PTPRQ: variants seen among roughly 807,000 people sequenced by gnomAD.
The protein encoded by PTPRQ is phosphatidylinositol phosphatase PTPRQ.
PTPRQ carries 199 observed loss-of-function variants against 246.0 expected under a neutral mutation model. The ratio of observed to expected loss-of-function variants is 0.81; its 90% CI spans 0.72 to 0.91. PTPRQ has a LOEUF of 0.91. Among genes scored for constraint, PTPRQ ranks in the 40% least tolerant of loss-of-function variants. The pLI, the probability that PTPRQ is intolerant of heterozygous loss-of-function variation, is 0.00. For synonymous variants in PTPRQ, 869 were observed against 853.2 expected, an observed-to-expected ratio of 1.02 and a Z score of -0.32; for missense variants, 2,624 against 2,528.4, an observed-to-expected ratio of 1.04 and a Z score of -0.81.
intron 25 of PTPRQ, among the ~76,000 whole-genome samples, chr12:80,565,992 G>C (rs549987067): frequency 1.3e-5 from 2 of 152,186 alleles, no homozygotes; most frequent in African/African-American, 4.8e-5. Flanking sequence ...ATATTAATAA[G>C]TTATCATTGC....
chr12:80,467,330 T>A (rs1893461616), intron 6 of PTPRQ, among the ~76,000 whole-genome samples: 1 of 152,208 alleles, frequency 6.6e-6, no homozygotes, highest in Non-Finnish European at 1.5e-5. Context: ...CCAGTTAGAA[T>A]GGCAATCATT....
rs1200377056 is a variant in PTPRQ at position 80,468,820 on chromosome 12, G to T, written c.1021G>T (p.Glu341Ter). Reference protein sequence around the residue: ...IVTGKFSYRVELYGPSGRILD... With the variant: ...IVTGKFSYRV ...AACAGGGAAATTTAGTTATAGAGTTGAATTATATGGACCATCAGGTAAGCC... is the reference window on the plus strand; with the variant it reads ...AACAGGGAAATTTAGTTATAGAGTTTAATTATATGGACCATCAGGTAAGCC... Residue 341 changes from glutamate to a stop codon, truncating the protein, a stop_gained, in exon 7 of 45, where the codon GAA (glutamate) becomes TAA (stop). Coordinates refer to ENST00000644991, the MANE Select transcript of PTPRQ (RefSeq NM_001145026.2). LOFTEE classifies it high-confidence loss of function. The T allele has an allele frequency of 2.6e-6, 4 of 1,548,838 alleles. No homozygotes were observed. Among genetic ancestry groups the T allele is most frequent in the Non-Finnish European group, 3.5e-6 (4 of 1,145,816 alleles).
chr12:80,579,838 A>C (rs939838535), intron 25 of PTPRQ, among the ~76,000 whole-genome samples: 1 of 152,188 alleles, frequency 6.6e-6, no homozygotes, highest in East Asian at 1.9e-4. Context: ...TCTAGAGACA[A>C]AAATATTCTT....
At chr12:80,584,982 AATAT>A (rs36023309) in intron 25 of PTPRQ, among the ~76,000 whole-genome samples, 1 of 148,912 alleles carries the variant, frequency 6.7e-6, no homozygotes, top group East Asian at 2.0e-4. Context: ...AGTTTTGGTA[AATAT>A]ATATATATAT....
chr12:80,516,977 G>A (rs1204529625), intron 17 of PTPRQ, among the ~76,000 whole-genome samples: 1 of 152,112 alleles, frequency 6.6e-6, no homozygotes, highest in Non-Finnish European at 1.5e-5. Context: ...GATAGATGGA[G>A]CGGTAGAGCA....
chr12:80,536,480 C>G (rs927783073), intron 19 of PTPRQ, among the ~76,000 whole-genome samples: 5 of 152,100 alleles, frequency 3.3e-5, no homozygotes, highest in South Asian at 2.1e-4. Flanking sequence ...ATATTCTGTT[C>G]TATAAGAGTA....
At chr12:80,469,464 GA>G (rs1354959106) in intron 7 of PTPRQ, among the ~76,000 whole-genome samples, 6 of 152,072 alleles carry the variant, frequency 3.9e-5, no homozygotes, top group African/African-American at 1.4e-4. Context: ...CATTAGAAGT[GA>G]ATTATGTAAA....
At chr12:80,637,919 C>T (rs146608807) in intron 35 of PTPRQ, among the ~76,000 whole-genome samples, 1 of 152,140 alleles carries the variant, frequency 6.6e-6, no homozygotes, top group African/African-American at 2.4e-5. Flanking sequence ...GGCAGACTTC[C>T]ACCATATGTC....
At position 80,539,941 on chromosome 12, in the gene PTPRQ, G is replaced by A. The variant is rs1005598178; in HGVS notation, c.3151G>A (p.Asp1051Asn). 5 of 1,501,588 alleles carry A rather than the reference G, an allele frequency of 3.3e-6. No individual in the cohort carries two copies. The highest frequency in any genetic ancestry group is 1.8e-4 in the Middle Eastern group (1 of 5,514). 93.0% of individuals were successfully genotyped at this position (1,501,588 alleles called of 1,614,324 possible). A position where few individuals can be genotyped will look rare whatever the true frequency, so the allele number is the denominator to read the frequency against. ...CATCATTGAAGTATACACAGATCAA[G>A]ACAGTATGTAAACAAAAAACACTAA... ...SDIIEVYTDQ[D>N]IPEGFVGNLT... Residue 1051 changes from aspartate (D) to asparagine (N), a missense_variant, in exon 20 of 45, where the codon GAC (aspartate) becomes AAC (asparagine). Coordinates refer to ENST00000644991, the MANE Select transcript of PTPRQ (RefSeq NM_001145026.2).
chr12:80,508,663 G>A (rs370759314), intron 16 of PTPRQ, among the ~76,000 whole-genome samples: 1 of 152,172 alleles, frequency 6.6e-6, no homozygotes, highest in African/African-American at 2.4e-5. Flanking sequence ...AATTTTGTTA[G>A]ATTGTATTTT....
rs1898932024 is a variant in PTPRQ, at chr12:80,620,321, C to T, written c.5557C>T (p.Pro1853Ser). 6.5e-7 allele frequency: 1 copy of T among 1,549,334 alleles called. No individual in the cohort carries two copies. Among genetic ancestry groups the T allele is most frequent in the Non-Finnish European group, 8.7e-7 (1 of 1,145,502 alleles). Residue 1853 changes from proline to serine, a missense_variant, in exon 32 of 45, where the codon CCT becomes TCT. By Grantham distance (74) the Pro-to-Ser change is moderately conservative (BLOSUM62 -1). Transcript: ENST00000644991. ...IIGADNACMI[P>S]GNEDKICNGP... ...AGGTGCTGATAATGCATGCATGATT[C>T]CTGGCAATGAAGACAAAATTTGCAA...
chr12:80,555,889 C>T (rs901240774), intron 25 of PTPRQ, among the ~76,000 whole-genome samples: 1 of 152,124 alleles, frequency 6.6e-6, no homozygotes, highest in African/African-American at 2.4e-5. Flanking sequence ...GTGTGGGGTT[C>T]AAGACCCAAG....
At chr12:80,468,884 T>C in intron 7 of PTPRQ, 46 bp downstream of exon 7, 3 of 1,527,902 alleles carry the variant, frequency 2.0e-6, no homozygotes, top group Non-Finnish European at 2.6e-6. Context: ...GTGAGAATAA[T>C]AAAATATGTT....
intron 25 of PTPRQ, among the ~76,000 whole-genome samples, chr12:80,551,403 A>T (rs1592643848): frequency 6.6e-6 from 1 of 152,034 alleles, no homozygotes; most frequent in Admixed American, 6.6e-5. Context: ...TATTAGAGGG[A>T]CCTTGTTGCT....
rs61951994 is a variant in PTPRQ at position 80,541,240 on chromosome 12, C to T, written c.3155-315C>T. ...AAATTATCAAAATATTTAAATAAGG[C>T]AGTATACATACACATATTATGCACA... On this transcript the variant is annotated intron_variant, in intron 20 of 44. Transcript: ENST00000644991. Among the ~76,000 whole-genome samples the T allele has an allele frequency of 0.054, 8,254 of 151,904 alleles. 291 individuals are homozygous for T. The highest frequency in any genetic ancestry group is 0.16 in the East Asian group (826 of 5,166).
chr12:80,657,807 T>TGTCTTTGTCTCTGGGTGGTAG (rs2121248538), intron 38 of PTPRQ, among the ~76,000 whole-genome samples, 178 bp from the exon 39 acceptor site: 1 of 152,002 alleles, frequency 6.6e-6, no homozygotes, highest in East Asian at 1.9e-4. Flanking sequence ...AAGGACATAT[T>TGTCTTTGTCTCTGGGTGGTAG]AATAGTCATT....
chr12:80,562,071 A>T (rs950260941), intron 25 of PTPRQ, among the ~76,000 whole-genome samples: 1 of 152,090 alleles, frequency 6.6e-6, no homozygotes, highest in East Asian at 1.9e-4. Context: ...AAGGTGGATT[A>T]TGTTGATTGA....
intron 31 of PTPRQ, among the ~76,000 whole-genome samples, chr12:80,619,903 G>T (rs1291598544): frequency 1.3e-5 from 2 of 151,400 alleles, no homozygotes; most frequent in Non-Finnish European, 3.0e-5. Flanking sequence ...GGGTGAACAA[G>T]TGAGTTACTC....
At chr12:80,466,473 C>T (rs1226306126) in intron 6 of PTPRQ, among the ~76,000 whole-genome samples, 2 of 152,194 alleles carry the variant, frequency 1.3e-5, no homozygotes, top group Admixed American at 1.3e-4. Flanking sequence ...ATCAAGCTAC[C>T]AATGACTTTC....
Sources: gnomAD v4.1 joint callset for allele counts (sites outside exome capture counted in the v4.1 genomes callset) on GRCh38, gnomAD v4.1.1 for gene constraint, MANE v1.5 for transcripts, NCBI Gene and HGNC (gene_info 2026-07-23, HGNC 2026-07-21) for gene names.